Variants in DEUP1 observed in about 807,000 individuals in gnomAD.
The protein encoded by DEUP1 is coiled-coil domain containing 67.
Under a neutral mutation model 87.4 loss-of-function variants are expected in DEUP1, and 82 were observed. That is an observed-to-expected ratio of 0.94 (90% confidence interval 0.78 to 1.13). DEUP1 has a LOEUF of 1.13. DEUP1 is among the 50% of genes most tolerant of loss of function. The pLI is 0.00. For synonymous variants in DEUP1, 214 were observed against 222.7 expected, an observed-to-expected ratio of 0.96 and a Z score of 0.35; for missense variants, 663 against 681.5, an observed-to-expected ratio of 0.97 and a Z score of 0.30.
chr11:93,415,070 G>T lies in DEUP1; in HGVS notation c.1594G>T (p.Glu532Ter). 1 of 1,609,894 alleles carries T rather than the reference G, an allele frequency of 6.2e-7. No homozygotes were observed. Among genetic ancestry groups the T allele is most frequent in the Non-Finnish European group, 8.5e-7 (1 of 1,178,460 alleles). ...GCCACCTTCGACATTTCAAGCCAAA[G>T]AAATGACAAGTCCTTTGGTTAGTGA... The part of the protein sequence containing the change: ...PLPPSTFQAK[E>*]MTSPLVSDDD... The change falls in exon 13 of 14, where the codon GAA (glutamate) becomes TAA (stop). Residue 532 changes from glutamate (E) to a stop codon, truncating the protein, a stop_gained. Coordinates refer to ENST00000298050, the MANE Select transcript of DEUP1 (RefSeq NM_181645.4). LOFTEE classifies it high-confidence loss of function.
chr11:93,376,722 G>T (rs1946059645), intron 7 of DEUP1, among the ~76,000 whole-genome samples: 1 of 152,088 alleles, frequency 6.6e-6, no homozygotes, highest in South Asian at 2.1e-4. Flanking sequence ...TTTGCTATTT[G>T]AGTTCTTTCA....
intron 13 of DEUP1, among the ~76,000 whole-genome samples, chr11:93,433,365 A>T (rs1013778524): frequency 1.3e-5 from 2 of 152,242 alleles, no homozygotes; most frequent in South Asian, 2.1e-4. Flanking sequence ...AAACTTTTTT[A>T]AAAAAGAGCT....
At position 93,431,011 on chromosome 11, in the gene DEUP1, G is replaced by A. The variant is rs559656833; in HGVS notation, c.1639-6532G>A. 1.4e-4 allele frequency among the ~76,000 whole-genome samples: 21 copies of A among 148,708 alleles called. No individual in the cohort carries two copies. The South Asian group carries it at 2.5e-3, about 18-fold the overall frequency. ...CTCCAGAAGCTGAGGCAAGAGAATC[G>A]CTTGAACCCGGGAAGCAGAGGTTGC... is the stretch of plus-strand genomic sequence containing the variant. On this transcript the variant is annotated intron_variant, in intron 13 of 13. Coordinates refer to ENST00000298050, the MANE Select transcript of DEUP1 (RefSeq NM_181645.4).
At chr11:93,380,016 A>C (rs1482161694) in intron 7 of DEUP1, among the ~76,000 whole-genome samples, 4 of 152,192 alleles carry the variant, frequency 2.6e-5, no homozygotes, top group Non-Finnish European at 5.9e-5. Context: ...TCTATACTGC[A>C]GTGATTTTTC....
intron 2 of DEUP1, among the ~76,000 whole-genome samples, chr11:93,343,300 C>T (rs987709528): frequency 6.6e-6 from 1 of 152,212 alleles, no homozygotes; most frequent in Admixed American, 6.5e-5. Context: ...TAACTACCTT[C>T]AAACACACTA....
At chr11:93,362,143 G>A (rs1379679154) in intron 4 of DEUP1, among the ~76,000 whole-genome samples, 9 of 151,962 alleles carry the variant, frequency 5.9e-5, no homozygotes, top group Admixed American at 5.9e-4. Flanking sequence ...AAATCTTCAT[G>A]ACCTTGGATT....
chr11:93,399,693 AC>A (rs1452857455), intron 11 of DEUP1, among the ~76,000 whole-genome samples: 1 of 151,914 alleles, frequency 6.6e-6, no homozygotes, highest in Non-Finnish European at 1.5e-5. Context: ...TAGAAAAAAT[AC>A]AAATTATCTT....
chr11:93,418,521 G>A (rs779043370), intron 13 of DEUP1, among the ~76,000 whole-genome samples: 5 of 151,906 alleles, frequency 3.3e-5, no homozygotes, highest in African/African-American at 7.3e-5. Flanking sequence ...TCATTAAAAA[G>A]TCAGGAAACA....
At chr11:93,395,075 C>T (rs1011397707) in intron 10 of DEUP1, among the ~76,000 whole-genome samples, 13 of 152,102 alleles carry the variant, frequency 8.5e-5, no homozygotes, top group African/African-American at 3.1e-4. Flanking sequence ...TTCTTTCAGG[C>T]TTTTTACAAA....
At chr11:93,365,635 A>G (rs187367820) in intron 5 of DEUP1, among the ~76,000 whole-genome samples, 6 of 152,348 alleles carry the variant, frequency 3.9e-5, no homozygotes, top group Admixed American at 1.3e-4. Flanking sequence ...CACATTTTAC[A>G]TTTAGGAAAC....
chr11:93,347,459 A>C (rs534562627), intron 2 of DEUP1, among the ~76,000 whole-genome samples: 1 of 152,062 alleles, frequency 6.6e-6, no homozygotes, highest in Non-Finnish European at 1.5e-5. Context: ...TTCATCAAGG[A>C]TATTAGCCTG....
chr11:93,341,241 G>C (rs1944055321), intron 2 of DEUP1, among the ~76,000 whole-genome samples: 1 of 144,206 alleles, frequency 6.9e-6, no homozygotes. Context: ...ATCATAACAA[G>C]ACCCTGTCTC....
In DEUP1 at chr11:93,389,125, G is replaced by A. The variant is rs766541314; in HGVS notation, c.1041G>A (p.Lys347=). 1 of 1,549,224 alleles carries A rather than the reference G, an allele frequency of 6.5e-7. No individual in the cohort carries two copies. The highest frequency in any genetic ancestry group is 8.8e-7 in the Non-Finnish European group (1 of 1,133,890). ...CAAATCATGAAAAAGAATTGAACAA[G>A]GTATGAAAAATAATGAGCTCCATTC... ...DQPNHEKELN[K]IRSQLQQVEE... The change falls in exon 9 of 14, where the codon AAG becomes AAA. Residue 347 remains lysine, a splice_region_variant and synonymous_variant. Transcript: ENST00000298050.
intron 4 of DEUP1, among the ~76,000 whole-genome samples, chr11:93,361,871 A>T (rs1945192160): frequency 6.6e-6 from 1 of 152,072 alleles, no homozygotes; most frequent in Admixed American, 6.6e-5. Flanking sequence ...CTTCAAATAT[A>T]ACTATATAGG....
intron 11 of DEUP1, among the ~76,000 whole-genome samples, chr11:93,405,560 G>C (rs551708152): frequency 2.0e-5 from 3 of 151,892 alleles, no homozygotes; most frequent in Non-Finnish European, 4.4e-5. Context: ...ATGAGACTTT[G>C]CTACATATTT....
chr11:93,405,330 A>G (rs1024896632), intron 11 of DEUP1, among the ~76,000 whole-genome samples: 3 of 152,032 alleles, frequency 2.0e-5, no homozygotes, highest in African/African-American at 7.2e-5. Context: ...TATCTTCTAA[A>G]GCAAGAGACT....
At chr11:93,433,712 T>G (rs1440076265) in intron 13 of DEUP1, among the ~76,000 whole-genome samples, 44 of 152,176 alleles carry the variant, frequency 2.9e-4, no homozygotes, top group Non-Finnish European at 2.9e-5. Context: ...TGAAAGCGAT[T>G]TACCGAGGGA....
At chr11:93,435,588 G>T (rs556608386) in intron 13 of DEUP1, among the ~76,000 whole-genome samples, 1 of 152,278 alleles carries the variant, frequency 6.6e-6, no homozygotes, top group South Asian at 2.1e-4. Context: ...CTTTACCAGA[G>T]ATTCTTCTAG....
chr11:93,429,732 C>G (rs1948043764), intron 13 of DEUP1, among the ~76,000 whole-genome samples: 1 of 152,140 alleles, frequency 6.6e-6, no homozygotes, highest in South Asian at 2.1e-4. Context: ...AGGGTCAGCA[C>G]TAGTAGGCAC....
Sources: gnomAD v4.1 joint callset for allele counts (sites outside exome capture counted in the v4.1 genomes callset) on GRCh38, gnomAD v4.1.1 for gene constraint, MANE v1.5 for transcripts, NCBI Gene and HGNC (gene_info 2026-07-23, HGNC 2026-07-21) for gene names.